The following SLC12A6 variants were observed in gnomAD, a reference collection of about 807,000 sequenced individuals.
SLC12A6 encodes K-Cl cotransporter 3.
Under a neutral mutation model 135.3 loss-of-function variants are expected in SLC12A6, and 66 were observed. The ratio of observed to expected loss-of-function variants is 0.49; its 90% CI spans 0.40 to 0.60. The LOEUF is 0.60. Ranked by LOEUF, SLC12A6 falls within the 20% of genes least tolerant of loss-of-function variation. The pLI is 0.00. For missense variants in SLC12A6, 1,058 were observed against 1,452.3 expected (o/e 0.73, Z 4.41); for synonymous variants, 513 against 508.8 (o/e 1.01, Z -0.11).
At chr15:34,286,904 T>C (rs143772406) in intron 2 of SLC12A6, among the ~76,000 whole-genome samples, 17 of 152,270 alleles carry the variant, frequency 1.1e-4, no homozygotes, top group Non-Finnish European at 2.1e-4. Context: ...TTAAATATGA[T>C]GACACCTAGT....
In SLC12A6 at chr15:34,336,556, CG is replaced by C; in HGVS notation, c.124del (p.Arg42GlufsTer2). 6.2e-7 allele frequency: 1 copy of C among 1,614,078 alleles called. No homozygotes were observed. The highest frequency in any genetic ancestry group is 1.1e-5 in the South Asian group (1 of 91,072). On this transcript the variant is annotated frameshift_variant, in exon 2 of 26. Transcript: ENST00000354181. LOFTEE classifies it high-confidence loss of function. ...SPDLSSRSSS[R>X]VRFSSRESVP... ...GCTTTCCCGGGAGCTAAATCTTACTCGGGAACTAGATCGAGAGCTGAGGTCC... is the reference window on the plus strand; with the variant it reads ...GCTTTCCCGGGAGCTAAATCTTACTCGGAACTAGATCGAGAGCTGAGGTCC...
At chr15:34,321,148 C>T (rs1889062190) in intron 2 of SLC12A6, among the ~76,000 whole-genome samples, 1 of 152,048 alleles carries the variant, frequency 6.6e-6, no homozygotes, top group East Asian at 1.9e-4. Context: ...CCTCTAATGC[C>T]CTGAGGTAGG....
At chr15:34,303,621 A>C (rs8042422) in intron 2 of SLC12A6, among the ~76,000 whole-genome samples, 5,887 of 152,292 alleles carry the variant, frequency 0.039, 210 homozygotes, top group African/African-American at 0.097. Flanking sequence ...CCAATGCAAC[A>C]TCACTGGGAG....
At chr15:34,291,599 C>T (rs1208571398) in intron 2 of SLC12A6, among the ~76,000 whole-genome samples, 1 of 152,134 alleles carries the variant, frequency 6.6e-6, no homozygotes, top group Non-Finnish European at 1.5e-5. Context: ...TTTCATTCTC[C>T]CTGTCACTTT....
intron 3 of SLC12A6, among the ~76,000 whole-genome samples, chr15:34,265,502 T>C (rs1441802683): frequency 6.6e-6 from 1 of 151,854 alleles, no homozygotes; most frequent in African/African-American, 2.4e-5. Context: ...AAATAGGTAC[T>C]GGGAGAGACT....
At chr15:34,271,267 A>G (rs1893912897) in intron 3 of SLC12A6, among the ~76,000 whole-genome samples, 1 of 152,222 alleles carries the variant, frequency 6.6e-6, no homozygotes, top group Non-Finnish European at 1.5e-5. Flanking sequence ...TTTCTAGCAG[A>G]AACTCAACTT....
rs754518023 is a variant in SLC12A6 at position 34,236,066 on chromosome 15, C to T, written c.3176G>A (p.Gly1059Glu). 2 of 1,613,828 alleles carry T rather than the reference C, an allele frequency of 1.2e-6. No homozygotes were observed. Among genetic ancestry groups the T allele is most frequent in the African/African-American group, 2.7e-5 (2 of 74,906 alleles). Reference sequence around the variant, plus strand: ...TCCTTCCATTGACTTCGCTTTTTGTCCCCGGGATGCCATGTACTTGTCTTT... The same window carrying T: ...TCCTTCCATTGACTTCGCTTTTTGTTCCCGGGATGCCATGTACTTGTCTTT... ...WTKDKYMASR[G>E]QKAKSMEGFQ... The change falls in exon 24 of 26, where the codon GGA becomes GAA. Residue 1059 changes from glycine to glutamate, a missense_variant. By Grantham distance (98) the Gly-to-Glu change is moderately conservative. This residue lies in a region of SLC12A6 where 245 missense variants were observed against 440.8 expected (regional missense o/e 0.56). Transcript: ENST00000354181.
intron 2 of SLC12A6, among the ~76,000 whole-genome samples, chr15:34,289,967 T>C (rs1895398865): frequency 1.3e-5 from 2 of 152,242 alleles, no homozygotes; most frequent in South Asian, 4.1e-4. Flanking sequence ...TTTGTGTCCC[T>C]ATCTCCTTCA....
intron 2 of SLC12A6, among the ~76,000 whole-genome samples, chr15:34,322,372 A>C (rs1043436267): frequency 6.6e-6 from 1 of 151,876 alleles, no homozygotes; most frequent in Non-Finnish European, 1.5e-5. Context: ...GTGAAACTCT[A>C]TCTCGAAAAA....
At chr15:34,291,874 A>G (rs374326566) in intron 2 of SLC12A6, among the ~76,000 whole-genome samples, 277 of 152,098 alleles carry the variant, frequency 1.8e-3, no homozygotes, top group African/African-American at 6.3e-3. Context: ...ATTCTAGTTA[A>G]CCATTTGTCC....
intron 7 of SLC12A6, among the ~76,000 whole-genome samples, chr15:34,255,680 A>G (rs1236128657): frequency 6.6e-6 from 1 of 152,118 alleles, no homozygotes; most frequent in African/African-American, 2.4e-5. Flanking sequence ...GCCCAATAAA[A>G]TATATTCTGG....
chr15:34,279,771 G>A (rs925508948), intron 2 of SLC12A6, among the ~76,000 whole-genome samples: 1 of 152,050 alleles, frequency 6.6e-6, no homozygotes, highest in African/African-American at 2.4e-5. Flanking sequence ...AATACAATCA[G>A]GTTATAATCA....
chr15:34,254,280 T>G, intron 9 of SLC12A6, 68 bp downstream of exon 9: 1 of 1,472,868 alleles, frequency 6.8e-7, no homozygotes, highest in Admixed American at 1.7e-5. Context: ...GACTTAAAAT[T>G]ATCACACCAC....
rs141662477 is a variant in SLC12A6 at position 34,269,472 on chromosome 15, G to A, written c.316+5873C>T. 3.4e-3 allele frequency among the ~76,000 whole-genome samples: 512 copies of A among 152,232 alleles called. 1 individual carries two copies. Among genetic ancestry groups the A allele is most frequent in the African/African-American group, 0.012 (480 of 41,526 alleles). On this transcript the variant is annotated intron_variant, in intron 3 of 25. Coordinates refer to ENST00000354181, the MANE Select transcript of SLC12A6 (RefSeq NM_001365088.1). Reference sequence around the variant, plus strand: ...GTTACTCCTTTAGCTTCCTGATCTTGTCAAATGGCCTTTGCTAGTCTGAGT... The same window carrying A: ...GTTACTCCTTTAGCTTCCTGATCTTATCAAATGGCCTTTGCTAGTCTGAGT...
intron 19 of SLC12A6, among the ~76,000 whole-genome samples, chr15:34,239,614 G>A (rs1891504342): frequency 6.6e-6 from 1 of 152,148 alleles, no homozygotes; most frequent in South Asian, 2.1e-4. Context: ...TCTCAGGTAT[G>A]TTTTCTTTTT....
At chr15:34,270,669 G>A (rs1893852252) in intron 3 of SLC12A6, among the ~76,000 whole-genome samples, 1 of 152,014 alleles carries the variant, frequency 6.6e-6, no homozygotes. Context: ...CAGGTGTGAT[G>A]GTGGGTCCCT....
chr15:34,337,982 G>T (rs1291901949), upstream of SLC12A6: 3 of 152,006 alleles, frequency 2.0e-5, no homozygotes, highest in African/African-American at 7.2e-5. Flanking sequence ...AAGCCCGGGG[G>T]TGCAGTGAGA....
intron 1 of SLC12A6, 130 bp downstream of exon 1, chr15:34,337,202 G>T (rs944979877): frequency 9.8e-6 from 2 of 203,134 alleles, no homozygotes; most frequent in Admixed American, 1.1e-4. Flanking sequence ...CACCTGTTGT[G>T]TATCAGGTGA....
chr15:34,266,393 A>G (rs553664379), intron 3 of SLC12A6, among the ~76,000 whole-genome samples: 210 of 152,260 alleles, frequency 1.4e-3, no homozygotes, highest in Non-Finnish European at 2.2e-3. Flanking sequence ...TTTATACCAC[A>G]TAATAACAAA....
Sources: gnomAD v4.1 joint callset for allele counts (sites outside exome capture counted in the v4.1 genomes callset) on GRCh38, gnomAD v4.1.1 for gene constraint, gnomAD v4.1.1 regional missense constraint, MANE v1.5 for transcripts, NCBI Gene and HGNC (gene_info 2026-07-23, HGNC 2026-07-21) for gene names.